The following XYLB variants were observed in gnomAD, a reference collection of about 807,000 sequenced individuals.
XYLB encodes xylulokinase.
XYLB carries 62 observed loss-of-function variants against 78.7 expected under a neutral mutation model. The observed-to-expected ratio is 0.79, with a 90% CI of 0.64 to 0.97. The LOEUF (loss-of-function observed/expected upper bound fraction) is 0.97. Among genes scored for constraint, XYLB ranks in the 50% least tolerant of loss-of-function variants. The pLI is 0.00. For missense variants in XYLB, 687 were observed against 676.8 expected (o/e 1.02, Z -0.17); for synonymous variants, 245 against 247.4 (o/e 0.99, Z 0.09).
intron 6 of XYLB, 128 bp from the exon 7 acceptor site, chr3:38,366,680 G>A (rs1005984211): frequency 4.6e-6 from 3 of 652,220 alleles, no homozygotes; most frequent in Non-Finnish European, 8.0e-6. Context: ...CCTGGTTGGG[G>A]CTTACTTTTA....
At chr3:38,449,635 C>A in the XYLB span, among the ~76,000 whole-genome samples, 1 of 152,172 alleles carries the variant, frequency 6.6e-6, no homozygotes, top group Non-Finnish European at 1.5e-5. Flanking sequence ...TCTTCCCAGT[C>A]TGGTAGAAGT....
intron 13 of XYLB, 60 bp from the exon 14 acceptor site, chr3:38,376,858 A>G (rs986397860): frequency 1.3e-6 from 2 of 1,482,548 alleles, no homozygotes; most frequent in East Asian, 4.5e-5. Flanking sequence ...AAGTCTGTTA[A>G]GAAGCTGATC....
At chr3:38,444,486 TC>T in the XYLB span, among the ~76,000 whole-genome samples, 3 of 152,170 alleles carry the variant, frequency 2.0e-5, no homozygotes, top group African/African-American at 7.2e-5. Context: ...AGTTGTGGAT[TC>T]TCCTTCAATG....
At chr3:38,418,223 A>ATATG, downstream of XYLB, among the ~76,000 whole-genome samples, 1 of 150,970 alleles carries the variant, frequency 6.6e-6, no homozygotes, top group Admixed American at 6.6e-5. Flanking sequence ...AGATATATAT[A>ATATG]TATGTATGTA....
chr3:38,425,573 A>T (rs774967448), downstream of XYLB, among the ~76,000 whole-genome samples: 1 of 152,256 alleles, frequency 6.6e-6, no homozygotes, highest in Non-Finnish European at 1.5e-5. Context: ...TACAGAAACC[A>T]GCTTCAAAGA....
intron 2 of XYLB, among the ~76,000 whole-genome samples, chr3:38,359,268 A>G (rs1705841745): frequency 1.3e-5 from 2 of 152,246 alleles, no homozygotes; most frequent in Non-Finnish European, 2.9e-5. Context: ...CGCTTATGCC[A>G]TTGTTTGTGG....
rs753088162 is a variant in XYLB, at chr3:38,397,126, G to A, written c.1405G>A (p.Ala469Thr). The stretch of plus-strand genomic sequence containing the variant: ...GTATGTTATAGACACTGCCAACTCG[G>A]CCTGTGTGGGTTCTGCATACCGAGC... ...PVYVIDTANS[A>T]CVGSAYRAFH... Residue 469 changes from alanine (A) to threonine (T), a missense_variant, in exon 17 of 19, where the codon GCC becomes ACC. Physicochemically the swap from Ala to Thr is moderately conservative, Grantham distance 58 (BLOSUM62 0). Transcript: ENST00000207870. The A allele has an allele frequency of 1.7e-5, 27 of 1,614,178 alleles. No homozygotes were observed. In the South Asian group the frequency reaches 2.6e-4, roughly 16 times the overall value.
intron 2 of XYLB, among the ~76,000 whole-genome samples, chr3:38,353,040 C>A (rs1246646220): frequency 6.6e-6 from 1 of 151,996 alleles, no homozygotes; most frequent in African/African-American, 2.4e-5. Context: ...CAAGTTGTCG[C>A]TATTATTGCC....
At chr3:38,398,010 G>A (rs1303721284) in intron 17 of XYLB, among the ~76,000 whole-genome samples, 3 of 150,900 alleles carry the variant, frequency 2.0e-5, no homozygotes, top group Non-Finnish European at 4.4e-5. Flanking sequence ...AGTAGAGGAG[G>A]GGTTTCACTG....
At chr3:38,401,029 A>G (rs773414842) in intron 18 of XYLB, 44 bp downstream of exon 18, 4 of 1,578,286 alleles carry the variant, frequency 2.5e-6, no homozygotes, top group Non-Finnish European at 2.6e-6. Flanking sequence ...GCATTATGAA[A>G]GCCCGCTAGG....
At chr3:38,382,080 T>G (rs1707173494) in intron 15 of XYLB, among the ~76,000 whole-genome samples, 1 of 152,214 alleles carries the variant, frequency 6.6e-6, no homozygotes, top group South Asian at 2.1e-4. Flanking sequence ...TTTTGTACTC[T>G]GTCCCTTTGT....
At chr3:38,400,367 T>C (rs1184176913) in intron 17 of XYLB, among the ~76,000 whole-genome samples, 1 of 152,184 alleles carries the variant, frequency 6.6e-6, no homozygotes, top group Non-Finnish European at 1.5e-5. Flanking sequence ...CAGATGGTGC[T>C]GAGCGCTAAG....
intron 15 of XYLB, among the ~76,000 whole-genome samples, chr3:38,381,269 T>C (rs1707130031): frequency 6.6e-6 from 1 of 152,230 alleles, no homozygotes. Flanking sequence ...TCATGGACAC[T>C]TATCACTTCC....
chr3:38,410,985 G>C (rs1023259205), intron 18 of XYLB, among the ~76,000 whole-genome samples: 1 of 152,088 alleles, frequency 6.6e-6, no homozygotes, highest in Non-Finnish European at 1.5e-5. Flanking sequence ...ATTCCTCAAG[G>C]ATCTAGAACT....
chr3:38,406,542 C>T (rs1462503250), intron 18 of XYLB, among the ~76,000 whole-genome samples: 4 of 152,206 alleles, frequency 2.6e-5, no homozygotes, highest in Non-Finnish European at 5.9e-5. Flanking sequence ...TGGAGAATGA[C>T]TTTGACGAGT....
chr3:38,438,557 G>A, the XYLB span, among the ~76,000 whole-genome samples: 8 of 152,276 alleles, frequency 5.3e-5, no homozygotes, highest in East Asian at 7.7e-4. Flanking sequence ...TAGTGTTTCC[G>A]GAGTTGGTTC....
chr3:38,443,201 C>T, the XYLB span, among the ~76,000 whole-genome samples: 1 of 152,158 alleles, frequency 6.6e-6, no homozygotes, highest in African/African-American at 2.4e-5. Flanking sequence ...GCACCAGTAT[C>T]CAAGAGGAAG....
downstream of XYLB, chr3:38,421,248 C>A: frequency 1.3e-5 from 2 of 152,684 alleles, no homozygotes; most frequent in South Asian, 3.9e-4. Context: ...CCGAGCTGGT[C>A]TCGGCAAGTG....
At chr3:38,381,654 G>A (rs1329340041) in intron 15 of XYLB, among the ~76,000 whole-genome samples, 1 of 152,204 alleles carries the variant, frequency 6.6e-6, no homozygotes, top group Non-Finnish European at 1.5e-5. Context: ...CCTGGGCGTA[G>A]CCTGTCTCTT....
Sources: allele counts gnomAD v4.1 joint callset (sites outside exome capture counted in the v4.1 genomes callset), GRCh38; gene constraint gnomAD v4.1.1; transcripts MANE v1.5; gene names NCBI Gene and HGNC (gene_info 2026-07-23, HGNC 2026-07-21).